THADA: variants seen among roughly 807,000 people sequenced by gnomAD.
THADA encodes the protein THADA armadillo repeat containing, also known as tRNA (32-2'-O)-methyltransferase regulator THADA.
THADA carries 213 observed loss-of-function variants against 219.8 expected under a neutral mutation model. The ratio of observed to expected loss-of-function variants is 0.97; its 90% CI spans 0.87 to 1.09. The LOEUF (loss-of-function observed/expected upper bound fraction) is 1.09, where lower values mean the gene tolerates loss of function less well. Among genes scored for constraint, THADA ranks in the 50% least tolerant of loss-of-function variants. The pLI is 0.00. For synonymous variants in THADA, 1,018 were observed against 828.9 expected (o/e 1.23, Z -3.92); for missense variants, 2,956 against 2,311.3 (o/e 1.28, Z -5.72).
At chr2:43,416,045 T>G (rs555167104) in intron 28 of THADA, among the ~76,000 whole-genome samples, 2 of 152,358 alleles carry the variant, frequency 1.3e-5, no homozygotes, top group African/African-American at 4.8e-5. Flanking sequence ...ATTCTATTTC[T>G]TAAGTTTCTC....
intron 36 of THADA, among the ~76,000 whole-genome samples, chr2:43,268,900 G>A (rs895508589): frequency 5.3e-5 from 8 of 152,194 alleles, no homozygotes; most frequent in Admixed American, 2.0e-4. Flanking sequence ...AGCTGGGGCT[G>A]GAGGAGTCAT....
chr2:43,321,588 CCT>C (rs1678721343), intron 30 of THADA, among the ~76,000 whole-genome samples: 1 of 152,182 alleles, frequency 6.6e-6, no homozygotes, highest in African/African-American at 2.4e-5. Context: ...GGCTTGATTT[CCT>C]CTCTGTCTTG....
chr2:43,289,175 C>T (rs2104354095), intron 34 of THADA, among the ~76,000 whole-genome samples: 1 of 152,308 alleles, frequency 6.6e-6, no homozygotes, highest in African/African-American at 2.4e-5. Context: ...AAATAATATT[C>T]CATTGTATGG....
chr2:43,395,789 C>T (rs755176745), intron 29 of THADA, among the ~76,000 whole-genome samples: 23 of 152,146 alleles, frequency 1.5e-4, no homozygotes, highest in African/African-American at 2.2e-4. Context: ...TCTCACTCTG[C>T]TGCCCAGGCT....
rs533204157 is a variant in THADA, at chr2:43,291,409, G to A, written c.5010+287C>T. Among the ~76,000 whole-genome samples the A allele has an allele frequency of 7.4e-4, 91 of 122,818 alleles. 1 individual carries two copies. The highest frequency in any genetic ancestry group is 2.8e-3 in the African/African-American group (86 of 30,812). The allele number at this position is 122,818 out of a possible 152,430, so 80.6% of individuals were successfully genotyped here. A position where few individuals can be genotyped will look rare whatever the true frequency, so the allele number is the denominator to read the frequency against. ...GCAAAGGTAGCAGTGAGCCGAGATC[G>A]TGCCACTGCACTCCAGCCTGGGCAA... On this transcript the variant is annotated intron_variant, in intron 34 of 37. Coordinates refer to ENST00000405975, the MANE Select transcript of THADA (RefSeq NM_022065.5).
At chr2:43,287,607 C>T (rs1390186747) in intron 34 of THADA, among the ~76,000 whole-genome samples, 1 of 152,130 alleles carries the variant, frequency 6.6e-6, no homozygotes, top group Admixed American at 6.5e-5. Context: ...TTCCTTTAGT[C>T]TTTTTGGATG....
At chr2:43,354,730 G>C (rs1254566972) in intron 29 of THADA, among the ~76,000 whole-genome samples, 2 of 152,062 alleles carry the variant, frequency 1.3e-5, no homozygotes, top group African/African-American at 4.8e-5. Flanking sequence ...TGTGTATATG[G>C]ACTACATTTT....
intron 26 of THADA, among the ~76,000 whole-genome samples, chr2:43,444,291 T>C (rs765866062): frequency 2.6e-5 from 4 of 152,220 alleles, no homozygotes; most frequent in Non-Finnish European, 5.9e-5. Flanking sequence ...CATAGTAGTC[T>C]CTGTGTTTTA....
In THADA at chr2:43,586,929, A is replaced by G; in HGVS notation, c.376T>C (p.Leu126=). 6.2e-7 allele frequency: 1 copy of G among 1,613,890 alleles called. No individual in the cohort carries two copies. The highest frequency in any genetic ancestry group is 1.1e-5 in the South Asian group (1 of 91,074). ...TAAGAGTATAAGTCAGTAGTATTCA[A>G]TTCTTCCTGAAGACGAGAAGTAAAA... is the stretch of plus-strand genomic sequence containing the variant. ...HRFTSRLQEE[L]NTTDLYSYRK... is the part of the protein sequence containing the mutation. Residue 126 remains leucine (L), a synonymous_variant, in exon 5 of 38, where the codon TTG becomes CTG. Transcript: ENST00000405975.
At chr2:43,517,946 T>C (rs561256441) in intron 22 of THADA, among the ~76,000 whole-genome samples, 9 of 152,190 alleles carry the variant, frequency 5.9e-5, no homozygotes, top group South Asian at 2.1e-4. Flanking sequence ...GTGGTTCTCA[T>C]TGCTTGGAAA....
chr2:43,592,541 C>G (rs755171322), intron 1 of THADA, 125 bp from the exon 2 acceptor site: 77 of 535,670 alleles, frequency 1.4e-4, no homozygotes, highest in Admixed American at 6.1e-4. Flanking sequence ...GCATCCCCAT[C>G]TCTACCCACT....
At chr2:43,473,669 C>T (rs764245881) in intron 26 of THADA, among the ~76,000 whole-genome samples, 2 of 151,754 alleles carry the variant, frequency 1.3e-5, no homozygotes, top group African/African-American at 4.8e-5. Flanking sequence ...AGTGCAGTGG[C>T]GCGATCTTGG....
intron 36 of THADA, among the ~76,000 whole-genome samples, chr2:43,240,515 A>G (rs1668509059): frequency 6.6e-6 from 1 of 151,730 alleles, no homozygotes; most frequent in African/African-American, 2.4e-5. Flanking sequence ...TCAGTCCCCT[A>G]CCTCCCCTTA....
intron 20 of THADA, among the ~76,000 whole-genome samples, chr2:43,547,609 ATTCAT>A (rs1473734982): frequency 2.6e-5 from 4 of 151,818 alleles, no homozygotes; most frequent in East Asian, 3.9e-4. Context: ...GCTTCATTTC[ATTCAT>A]TTCATCTTCC....
At chr2:43,585,573 T>TAGAC (rs1210034243) in intron 7 of THADA, among the ~76,000 whole-genome samples, 3 of 138,362 alleles carry the variant, frequency 2.2e-5, no homozygotes, top group South Asian at 2.2e-4. Flanking sequence ...GATAGATAGA[T>TAGAC]AGATAGAAAG....
chr2:43,582,925 C>T (rs780018427), intron 7 of THADA, among the ~76,000 whole-genome samples: 1 of 152,124 alleles, frequency 6.6e-6, no homozygotes, highest in African/African-American at 2.4e-5. Context: ...TTCACCAGCA[C>T]TCCTTCTCGG....
chr2:43,354,195 A>C (rs1668612172), intron 29 of THADA, among the ~76,000 whole-genome samples: 1 of 151,838 alleles, frequency 6.6e-6, no homozygotes, highest in African/African-American at 2.4e-5. Context: ...ACCTCAAGTG[A>C]TCCACCCGCC....
chr2:43,538,135 G>A (rs1041787489), intron 21 of THADA, among the ~76,000 whole-genome samples: 1 of 152,098 alleles, frequency 6.6e-6, no homozygotes, highest in African/African-American at 2.4e-5. Context: ...AGTACTCCAG[G>A]TGGAGGAAGC....
intron 35 of THADA, among the ~76,000 whole-genome samples, chr2:43,281,510 T>A (rs1218329646): frequency 6.6e-6 from 1 of 150,740 alleles, no homozygotes; most frequent in Admixed American, 6.6e-5. Context: ...GGGGCAATCT[T>A]GGCTCACCGC....
Sources: gnomAD v4.1 joint callset for allele counts (sites outside exome capture counted in the v4.1 genomes callset) on GRCh38, gnomAD v4.1.1 for gene constraint, MANE v1.5 for transcripts, NCBI Gene and HGNC (gene_info 2026-07-23, HGNC 2026-07-21) for gene names.